The following THSD7A variants were observed in gnomAD, a reference collection of about 807,000 sequenced individuals.
THSD7A encodes thrombospondin type-1 domain-containing protein 7A.
Under a neutral mutation model 231.3 loss-of-function variants are expected in THSD7A, and 96 were observed. That is an observed-to-expected ratio of 0.41 (90% confidence interval 0.35 to 0.49). The LOEUF is 0.49. THSD7A is among the 20% of genes least tolerant of loss of function. The pLI is 0.05. For missense variants in THSD7A, 2,290 were observed against 2,070.2 expected, an observed-to-expected ratio of 1.11 and a Z score of -2.06; for synonymous variants, 940 against 743.3, an observed-to-expected ratio of 1.26 and a Z score of -4.30.
intron 1 of THSD7A, among the ~76,000 whole-genome samples, chr7:11,710,281 G>C (rs1780909168): frequency 6.8e-6 from 1 of 147,816 alleles, no homozygotes; most frequent in Non-Finnish European, 1.5e-5. Flanking sequence ...AAAAAAAAAA[G>C]AAAAGAAAAT....
intron 2 of THSD7A, among the ~76,000 whole-genome samples, chr7:11,625,931 A>C (rs894012445): frequency 1.3e-5 from 2 of 152,114 alleles, no homozygotes; most frequent in Non-Finnish European, 2.9e-5. Flanking sequence ...GATCAGCAGC[A>C]AGGCTCCCAT....
In THSD7A at chr7:11,542,923, T is replaced by C. The variant is rs988683994; in HGVS notation, c.1609+39A>G. 3 of 1,583,520 alleles carry C rather than the reference T, an allele frequency of 1.9e-6. No homozygotes were observed. In the African/African-American group the frequency reaches 4.1e-5, roughly 21 times the overall value. On this transcript the variant is annotated intron_variant, in intron 5 of 27. Coordinates refer to ENST00000423059, the MANE Select transcript of THSD7A (RefSeq NM_015204.3). ...AAAATAATTCATGATTTGATACAATTGGTGGGTATAAAAGGCATGTCATGG... is the reference window on the plus strand; with the variant it reads ...AAAATAATTCATGATTTGATACAATCGGTGGGTATAAAAGGCATGTCATGG...
At chr7:11,613,898 C>G (rs1302098972) in intron 2 of THSD7A, among the ~76,000 whole-genome samples, 1 of 152,180 alleles carries the variant, frequency 6.6e-6, no homozygotes, top group Non-Finnish European at 1.5e-5. Flanking sequence ...GGCCTTTTCT[C>G]AGTCATGATG....
At position 11,487,134 on chromosome 7, in the gene THSD7A, C is replaced by T. The variant is rs1049584500; in HGVS notation, c.1823-5152G>A. 5.9e-5 allele frequency among the ~76,000 whole-genome samples: 9 copies of T among 152,170 alleles called. No individual in the cohort carries two copies. The South Asian group carries it at 6.2e-4, about 11-fold the overall frequency. ...GTATTTTGACATTTTAAAGTCACCC[C>T]TAAACGTTCCCTTGTTTGGTCTATT... On this transcript the variant is annotated intron_variant, in intron 6 of 27. Coordinates refer to ENST00000423059, the MANE Select transcript of THSD7A (RefSeq NM_015204.3).
intron 1 of THSD7A, among the ~76,000 whole-genome samples, chr7:11,705,417 A>C (rs562073810): frequency 6.6e-6 from 1 of 151,154 alleles, no homozygotes; most frequent in Admixed American, 6.6e-5. Context: ...TGCATCTTCT[A>C]CTTCTGGAAG....
chr7:11,509,878 G>T (rs1482516603), intron 6 of THSD7A, among the ~76,000 whole-genome samples: 1 of 136,364 alleles, frequency 7.3e-6, no homozygotes, highest in Non-Finnish European at 1.6e-5. Flanking sequence ...GACATATTAA[G>T]AATCTGAACA....
chr7:11,795,536 G>A (rs1784098733), intron 1 of THSD7A, among the ~76,000 whole-genome samples: 1 of 151,872 alleles, frequency 6.6e-6, no homozygotes, highest in South Asian at 2.1e-4. Context: ...CAATTTGTAG[G>A]TCGCATTCAT....
chr7:11,548,837 G>C (rs547259712), intron 4 of THSD7A, among the ~76,000 whole-genome samples: 2 of 110,196 alleles, frequency 1.8e-5, no homozygotes, highest in African/African-American at 6.1e-5. Flanking sequence ...CTATGTGTCA[G>C]AGGAAAATAC....
intron 4 of THSD7A, among the ~76,000 whole-genome samples, chr7:11,570,334 A>G (rs1408750097): frequency 6.6e-6 from 1 of 152,204 alleles, no homozygotes; most frequent in African/African-American, 2.4e-5. Flanking sequence ...AATGATAGTT[A>G]CCAGAGACAG....
chr7:11,640,885 C>A (rs1262839453), intron 1 of THSD7A, among the ~76,000 whole-genome samples: 1 of 152,038 alleles, frequency 6.6e-6, no homozygotes, highest in Admixed American at 6.6e-5. Context: ...AAAATGCACT[C>A]CCTAAAGGGG....
intron 1 of THSD7A, among the ~76,000 whole-genome samples, chr7:11,830,596 A>T (rs1388565077): frequency 1.3e-5 from 2 of 152,228 alleles, no homozygotes; most frequent in Non-Finnish European, 2.9e-5. Flanking sequence ...CTTCTAAGAC[A>T]AATTGTGTAC....
intron 4 of THSD7A, among the ~76,000 whole-genome samples, chr7:11,570,547 C>A (rs2128334337): frequency 6.6e-6 from 1 of 152,298 alleles, no homozygotes; most frequent in Non-Finnish European, 1.5e-5. Context: ...ATCCTAAATA[C>A]CCTGTTTTGA....
chr7:11,617,545 G>C (rs1408116688), intron 2 of THSD7A, among the ~76,000 whole-genome samples: 1 of 152,138 alleles, frequency 6.6e-6, no homozygotes, highest in East Asian at 1.9e-4. Context: ...TGCTAACGGA[G>C]ACCTAGGATA....
chr7:11,574,176 TTC>T (rs1488834065), intron 4 of THSD7A, among the ~76,000 whole-genome samples: 3 of 152,214 alleles, frequency 2.0e-5, no homozygotes, highest in Admixed American at 1.3e-4. Context: ...TACCCAGTTA[TTC>T]TCTTTCACAT....
At chr7:11,426,957 C>T (rs1583719341) in intron 14 of THSD7A, among the ~76,000 whole-genome samples, 1 of 152,072 alleles carries the variant, frequency 6.6e-6, no homozygotes, top group East Asian at 1.9e-4. Context: ...ATGGAGTTGA[C>T]CTCACAATAC....
At chr7:11,401,676 C>T (rs953407862) in intron 23 of THSD7A, 119 bp downstream of exon 23, 11 of 905,746 alleles carry the variant, frequency 1.2e-5, no homozygotes, top group African/African-American at 3.5e-5. Context: ...CCTCCCAAAG[C>T]GTTGGGATTA....
intron 11 of THSD7A, among the ~76,000 whole-genome samples, chr7:11,454,720 G>T (rs1289294283): frequency 6.6e-6 from 1 of 151,690 alleles, no homozygotes; most frequent in African/African-American, 2.4e-5. Flanking sequence ...ATCTCAAGAG[G>T]CTGGGCCTAG....
At chr7:11,767,352 CT>C in intron 1 of THSD7A, among the ~76,000 whole-genome samples, 1 of 152,090 alleles carries the variant, frequency 6.6e-6, no homozygotes, top group South Asian at 2.1e-4. Flanking sequence ...CAATTCTTCC[CT>C]TGTGGTTACT....
Position 11,820,438 on chromosome 7 carries a change from G to C in THSD7A, c.190+11319C>G, listed in dbSNP as rs367547791. ...ATGGGCCCACTTGGGGCTGGTGCTTGATTTCCAGAACATGAACCGGCCCTG... is the reference window on the plus strand; with the variant it reads ...ATGGGCCCACTTGGGGCTGGTGCTTCATTTCCAGAACATGAACCGGCCCTG... On this transcript the variant is annotated intron_variant, in intron 1 of 27. Coordinates refer to ENST00000423059, the MANE Select transcript of THSD7A (RefSeq NM_015204.3). 6.8e-6 allele frequency: 9 copies of C among 1,321,424 alleles called. No individual in the cohort carries two copies. The African/African-American group carries it at 7.5e-5, about 11-fold the overall frequency. The allele number at this position is 1,321,424 out of a possible 1,614,324, so 81.9% of individuals were successfully genotyped here.
Sources: allele counts gnomAD v4.1 joint callset (sites outside exome capture counted in the v4.1 genomes callset), GRCh38; gene constraint gnomAD v4.1.1; transcripts MANE v1.5; gene names NCBI Gene and HGNC (gene_info 2026-07-23, HGNC 2026-07-21).